PHYHIPL: variants seen among roughly 807,000 people sequenced by gnomAD.
PHYHIPL encodes the protein phytanoyl-CoA hydroxylase-interacting protein-like.
PHYHIPL carries 9 observed loss-of-function variants against 33.4 expected under a neutral mutation model. The ratio of observed to expected loss-of-function variants is 0.27; its 90% CI spans 0.16 to 0.47. The LOEUF (loss-of-function observed/expected upper bound fraction) is 0.47. Ranked by LOEUF, PHYHIPL falls within the 20% of genes least tolerant of loss-of-function variation. The pLI, the probability that PHYHIPL is intolerant of heterozygous loss-of-function variation, is 0.99. For synonymous variants in PHYHIPL, 153 were observed against 154.1 expected (o/e 0.99, Z 0.05); for missense variants, 365 against 460.7 (o/e 0.79, Z 1.90).
At position 59,245,804 on chromosome 10, in the gene PHYHIPL, C is replaced by CTAAGT; in HGVS notation, c.*220_*224dup. On this transcript the variant is annotated 3_prime_UTR_variant, in exon 5 of 5. Transcript: ENST00000373880. ...CCACTACTTTCAATGATGAAATACC[C>CTAAGT]TAAGTTAAGTTCTCCTTTTGACACT... is the stretch of plus-strand genomic sequence containing the variant. 1 of 529,690 alleles carries CTAAGT rather than the reference C, an allele frequency of 1.9e-6. No homozygotes were observed. Among genetic ancestry groups the CTAAGT allele is most frequent in the Non-Finnish European group, 3.3e-6 (1 of 304,836 alleles). The allele number at this position is 529,690 out of a possible 1,614,324, so 32.8% of individuals were successfully genotyped here.
chr10:59,203,544 T>A (rs1839189793), intron 1 of PHYHIPL, among the ~76,000 whole-genome samples: 2 of 151,880 alleles, frequency 1.3e-5, no homozygotes, highest in South Asian at 4.2e-4. Context: ...TAGACTGGAT[T>A]AAGAAAATGT....
chr10:59,177,400 A>T, intron 1 of PHYHIPL: 1 of 1,384,740 alleles, frequency 7.2e-7, no homozygotes, highest in Non-Finnish European at 9.6e-7. Flanking sequence ...GAAACTTATC[A>T]TTTTCTTTTT....
chr10:59,178,449 G>A (rs1838315931), intron 1 of PHYHIPL, among the ~76,000 whole-genome samples: 1 of 152,014 alleles, frequency 6.6e-6, no homozygotes, highest in South Asian at 2.1e-4. Flanking sequence ...ATAACGCATA[G>A]GAAGTCATTT....
intron 1 of PHYHIPL, among the ~76,000 whole-genome samples, chr10:59,203,545 A>G (rs1384266903): frequency 2.0e-5 from 3 of 152,252 alleles, no homozygotes; most frequent in East Asian, 3.9e-4. Context: ...AGACTGGATT[A>G]AGAAAATGTG....
chr10:59,227,912 T>G (rs995543097), intron 1 of PHYHIPL, among the ~76,000 whole-genome samples: 3 of 150,742 alleles, frequency 2.0e-5, no homozygotes, highest in Admixed American at 2.0e-4. Flanking sequence ...AATGGGAGGT[T>G]TAGGTCAAGA....
intron 1 of PHYHIPL, among the ~76,000 whole-genome samples, chr10:59,230,807 G>A (rs552095262): frequency 5.0e-4 from 76 of 152,196 alleles, no homozygotes; most frequent in African/African-American, 1.8e-3. Flanking sequence ...ATCTAGAAGG[G>A]CAGTTAAAAC....
chr10:59,189,450 A>G (rs1413600373), intron 1 of PHYHIPL, among the ~76,000 whole-genome samples: 1 of 152,026 alleles, frequency 6.6e-6, no homozygotes, highest in Non-Finnish European at 1.5e-5. Context: ...CTAGAGGACC[A>G]TGCCATTCTA....
At chr10:59,200,683 G>C (rs966714138) in intron 1 of PHYHIPL, among the ~76,000 whole-genome samples, 2 of 152,186 alleles carry the variant, frequency 1.3e-5, no homozygotes, top group Non-Finnish European at 2.9e-5. Context: ...AATCCATCTG[G>C]TCCTGGACTT....
At chr10:59,212,855 A>G (rs1839502123) in intron 1 of PHYHIPL, among the ~76,000 whole-genome samples, 1 of 152,162 alleles carries the variant, frequency 6.6e-6, no homozygotes, top group East Asian at 1.9e-4. Context: ...TAGTCACCCC[A>G]GTCACCCCAG....
At chr10:59,204,828 A>G (rs1839239532) in intron 1 of PHYHIPL, among the ~76,000 whole-genome samples, 1 of 149,268 alleles carries the variant, frequency 6.7e-6, no homozygotes, top group Admixed American at 6.7e-5. Flanking sequence ...CCAGGTGCTC[A>G]TTTAGACAGG....
chr10:59,244,508 G>A (rs2133308360), intron 4 of PHYHIPL, among the ~76,000 whole-genome samples: 1 of 125,528 alleles, frequency 8.0e-6, no homozygotes, highest in East Asian at 2.7e-4. Flanking sequence ...AGGTTGCAGT[G>A]AGCCAAGATC....
At chr10:59,212,602 C>T (rs536419543) in intron 1 of PHYHIPL, among the ~76,000 whole-genome samples, 2 of 152,148 alleles carry the variant, frequency 1.3e-5, no homozygotes, top group Non-Finnish European at 2.9e-5. Flanking sequence ...TTCTGCATGT[C>T]ACTTTCCTTT....
At chr10:59,192,764 G>A (rs552605101) in intron 1 of PHYHIPL, among the ~76,000 whole-genome samples, 47 of 152,056 alleles carry the variant, frequency 3.1e-4, no homozygotes, top group Non-Finnish European at 6.0e-4. Flanking sequence ...GAGTTGTTGA[G>A]GATGACTAAA....
intron 1 of PHYHIPL, among the ~76,000 whole-genome samples, chr10:59,197,437 A>G (rs188463306): frequency 1.3e-5 from 2 of 152,274 alleles, no homozygotes; most frequent in East Asian, 3.9e-4. Flanking sequence ...TTTTAGGGTC[A>G]TTTGGTTTTG....
At chr10:59,225,088 A>G (rs1345057351) in intron 1 of PHYHIPL, among the ~76,000 whole-genome samples, 1 of 140,942 alleles carries the variant, frequency 7.1e-6, no homozygotes, top group Admixed American at 7.9e-5. Context: ...GTAAGATGGT[A>G]CTTTTGGGCA....
intron 4 of PHYHIPL, among the ~76,000 whole-genome samples, chr10:59,241,373 C>CTCT (rs1334933454): frequency 6.6e-6 from 1 of 152,094 alleles, no homozygotes; most frequent in Non-Finnish European, 1.5e-5. Context: ...TCATTTTGAC[C>CTCT]TCTTCCTCTA....
intron 1 of PHYHIPL, among the ~76,000 whole-genome samples, chr10:59,211,624 C>A (rs1839443577): frequency 7.3e-6 from 1 of 136,092 alleles, no homozygotes; most frequent in African/African-American, 2.7e-5. Context: ...GGTCCACCCG[C>A]CTCAGCGTCC....
At chr10:59,224,083 G>A (rs935874420) in intron 1 of PHYHIPL, among the ~76,000 whole-genome samples, 5 of 152,096 alleles carry the variant, frequency 3.3e-5, no homozygotes, top group South Asian at 2.1e-4. Context: ...GGACTTTTCC[G>A]TTACTATATA....
At chr10:59,196,609 G>A (rs1243425954) in intron 1 of PHYHIPL, among the ~76,000 whole-genome samples, 2 of 151,752 alleles carry the variant, frequency 1.3e-5, no homozygotes, top group African/African-American at 4.8e-5. Flanking sequence ...TAGTAGAGAT[G>A]GGGTTTCACC....
Sources: allele counts gnomAD v4.1 joint callset (sites outside exome capture counted in the v4.1 genomes callset), GRCh38; gene constraint gnomAD v4.1.1; transcripts MANE v1.5; gene names NCBI Gene and HGNC (gene_info 2026-07-23, HGNC 2026-07-21).